The following METTL6 variants were observed in gnomAD, a reference collection of about 807,000 sequenced individuals.
The protein encoded by METTL6 is tRNA N(3)-cytidine methyltransferase METTL6.
METTL6 carries 22 observed loss-of-function variants against 26.4 expected under a neutral mutation model. That is an observed-to-expected ratio of 0.83 (90% CI 0.59 to 1.19). METTL6 has a LOEUF of 1.19. Among genes scored for constraint, METTL6 ranks in the 50% most tolerant of loss-of-function variants. The pLI is 0.00. For synonymous variants in METTL6, 109 were observed against 116.2 expected (o/e 0.94, Z 0.40); for missense variants, 304 against 324.8 (o/e 0.94, Z 0.49).
intron 6 of METTL6, among the ~76,000 whole-genome samples, chr3:15,394,845 T>C (rs1286568330): frequency 6.6e-6 from 1 of 152,254 alleles, no homozygotes; most frequent in Non-Finnish European, 1.5e-5. Context: ...TCTAGTTTGA[T>C]TGCACTGTGG....
intron 6 of METTL6, among the ~76,000 whole-genome samples, chr3:15,401,727 T>C (rs747770720): frequency 6.6e-6 from 1 of 152,116 alleles, no homozygotes; most frequent in Non-Finnish European, 1.5e-5. Flanking sequence ...GTAAAACACA[T>C]GCCCACCAGT....
At position 15,426,616 on chromosome 3, in the gene METTL6, G is replaced by A. The variant is rs1280622501; in HGVS notation, c.-105C>T. ...ATACATTTCCTGAGGTGAGTTTCAC[G>A]CCTCAAACAGCACAGGGGGCTTCGC... On this transcript the variant is annotated 5_prime_UTR_variant, in exon 2 of 6. Transcript: ENST00000383790. 1.3e-5 allele frequency: 13 copies of A among 1,004,978 alleles called. No individual in the cohort carries two copies. The highest frequency in any genetic ancestry group is 2.1e-5 in the Admixed American group (1 of 46,734). The allele number at this position is 1,004,978 out of a possible 1,614,324, so 62.3% of individuals were successfully genotyped here. A position where few individuals can be genotyped will look rare whatever the true frequency, so the allele number is the denominator to read the frequency against.
intron 2 of METTL6, among the ~76,000 whole-genome samples, chr3:15,425,360 T>G (rs1320089304): frequency 1.3e-5 from 2 of 152,146 alleles, no homozygotes; most frequent in African/African-American, 4.8e-5. Context: ...ATTCTATCCT[T>G]GGGTAAATCA....
intron 5 of METTL6, among the ~76,000 whole-genome samples, chr3:15,412,861 T>G (rs1348625647): frequency 6.6e-6 from 1 of 152,198 alleles, no homozygotes; most frequent in African/African-American, 2.4e-5. Context: ...GTTAATTATC[T>G]TCCTGTCTAG....
chr3:15,391,033 G>T (rs370649025), intron 6 of METTL6, among the ~76,000 whole-genome samples: 1 of 152,214 alleles, frequency 6.6e-6, no homozygotes, highest in Non-Finnish European at 1.5e-5. Context: ...CCCTGAAGCC[G>T]AGCAGTCTGA....
chr3:15,392,908 T>C (rs1342289877), intron 6 of METTL6, among the ~76,000 whole-genome samples: 1 of 152,194 alleles, frequency 6.6e-6, no homozygotes, highest in Non-Finnish European at 1.5e-5. Flanking sequence ...AGCCTTGTAG[T>C]ATAGTTTGAA....
At chr3:15,422,684 C>T (rs1333566552) in intron 3 of METTL6, among the ~76,000 whole-genome samples, 3 of 152,016 alleles carry the variant, frequency 2.0e-5, no homozygotes, top group African/African-American at 7.2e-5. Context: ...AAAAGTCTAA[C>T]GAATGCTAAA....
chr3:15,381,728 TA>T (rs1326739972), exon 7 of METTL6: 1 of 152,204 alleles, frequency 6.6e-6, no homozygotes, highest in Non-Finnish European at 1.5e-5. Flanking sequence ...TTAGTCACGC[TA>T]GGCCTCCTTG....
In METTL6 at chr3:15,411,336, T is replaced by C. The variant is rs759560015; in HGVS notation, c.775A>G (p.Arg259Gly). The C allele has an allele frequency of 1.9e-6, 3 of 1,614,264 alleles. No individual in the cohort carries two copies. The highest frequency in any genetic ancestry group is 2.5e-6 in the Non-Finnish European group (3 of 1,180,046). ...VNKKEGLCVP[R>G]VFLQSKFLKP... The stretch of plus-strand genomic sequence containing the variant: ...AGAAATTTGCTCTGAAGGAAAACTC[T>C]TGGCACACACAGGCCTTCTTTTTTA... The change falls in exon 6 of 6, where the codon AGA becomes GGA. Residue 259 changes from arginine to glycine, a missense_variant. Coordinates refer to ENST00000383790, the MANE Select transcript of METTL6 (RefSeq NM_152396.4).
exon 7 of METTL6, chr3:15,383,218 A>C (rs562414191): frequency 1.6e-4 from 24 of 152,302 alleles, no homozygotes; most frequent in African/African-American, 5.3e-4. Context: ...TAAAGACCTA[A>C]GGGATCCACC....
At chr3:15,420,199 T>C (rs934398206) in intron 3 of METTL6, among the ~76,000 whole-genome samples, 1 of 152,146 alleles carries the variant, frequency 6.6e-6, no homozygotes, top group African/African-American at 2.4e-5. Context: ...CCATGGAATA[T>C]TATAACAGGT....
At chr3:15,400,757 A>G (rs990639755) in intron 6 of METTL6, among the ~76,000 whole-genome samples, 1 of 152,234 alleles carries the variant, frequency 6.6e-6, no homozygotes, top group Non-Finnish European at 1.5e-5. Flanking sequence ...AACAGCTATA[A>G]TTGAACAACC....
At chr3:15,403,137 T>A (rs1352586605) in intron 6 of METTL6, among the ~76,000 whole-genome samples, 2 of 152,198 alleles carry the variant, frequency 1.3e-5, no homozygotes, top group Admixed American at 6.5e-5. Flanking sequence ...TATGCCACCA[T>A]GACTGGCTTT....
At chr3:15,386,148 A>G (rs1043991232) in intron 6 of METTL6, among the ~76,000 whole-genome samples, 1 of 152,220 alleles carries the variant, frequency 6.6e-6, no homozygotes, top group Non-Finnish European at 1.5e-5. Context: ...GGCAATTTCC[A>G]GAACTGAGGG....
intron 5 of METTL6, among the ~76,000 whole-genome samples, chr3:15,412,088 A>T (rs922695518): frequency 2.6e-5 from 4 of 152,202 alleles, no homozygotes; most frequent in Non-Finnish European, 5.9e-5. Context: ...TTTAAAAATT[A>T]TCTTATTGTT....
At chr3:15,426,069 T>A (rs560782930) in intron 2 of METTL6, among the ~76,000 whole-genome samples, 1 of 152,200 alleles carries the variant, frequency 6.6e-6, no homozygotes, top group Non-Finnish European at 1.5e-5. Flanking sequence ...GCCTTCCAAG[T>A]AGCTGGGACT....
exon 7 of METTL6, chr3:15,383,675 CCATA>C (rs1699124864): frequency 6.6e-6 from 1 of 152,174 alleles, no homozygotes; most frequent in South Asian, 2.1e-4. Context: ...CATATTTATC[CCATA>C]TATATATTAT....
Position 15,426,648 on chromosome 3 carries a change from A to G in METTL6, c.-124-13T>C, listed in dbSNP as rs2061731658. Reference sequence around the variant, plus strand: ...ACAGCACAGGGGGCTTCGCAGAGAAAAGAATTAGATTCTGGTTAGTGGTTA... The same window carrying G: ...ACAGCACAGGGGGCTTCGCAGAGAAGAGAATTAGATTCTGGTTAGTGGTTA... On this transcript the variant is annotated splice_polypyrimidine_tract_variant and intron_variant, in intron 1 of 5. Coordinates refer to ENST00000383790, the MANE Select transcript of METTL6 (RefSeq NM_152396.4). 1.3e-6 allele frequency: 1 copy of G among 745,692 alleles called. No individual in the cohort carries two copies. The highest frequency in any genetic ancestry group is 2.2e-6 in the Non-Finnish European group (1 of 458,320). 46.2% of individuals were successfully genotyped at this position (745,692 alleles called of 1,614,324 possible).
intron 6 of METTL6, chr3:15,399,559 T>TGTGC (rs1456923054): frequency 6.7e-6 from 1 of 148,316 alleles, no homozygotes; most frequent in Non-Finnish European, 1.5e-5. Context: ...TGTGTGTGTG[T>TGTGC]GTGTGTGTGT....
Sources: gnomAD v4.1 joint callset for allele counts (sites outside exome capture counted in the v4.1 genomes callset) on GRCh38, gnomAD v4.1.1 for gene constraint, MANE v1.5 for transcripts, NCBI Gene and HGNC (gene_info 2026-07-23, HGNC 2026-07-21) for gene names.